Variants in PRKCQ observed in about 807,000 individuals in gnomAD.
The protein encoded by PRKCQ is protein kinase C theta type.
A neutral mutation model predicts 91.2 loss-of-function variants in PRKCQ; 41 were observed. That is an observed-to-expected ratio of 0.45 (90% CI 0.35 to 0.58). The LOEUF (loss-of-function observed/expected upper bound fraction) is 0.58. Ranked by LOEUF, PRKCQ falls within the 20% of genes least tolerant of loss-of-function variation. The probability of loss-of-function intolerance (pLI) is 0.00; values close to 1 mark genes in which losing one functional copy is unlikely to be tolerated. For missense variants in PRKCQ, 673 were observed against 896.5 expected (o/e 0.75, Z 3.18); for synonymous variants, 307 against 316.9 (o/e 0.97, Z 0.33).
At chr10:6,432,199 T>G (rs1833458410) in intron 16 of PRKCQ, among the ~76,000 whole-genome samples, 1 of 152,176 alleles carries the variant, frequency 6.6e-6, no homozygotes, top group African/African-American at 2.4e-5. Flanking sequence ...CCCAGGGACT[T>G]GACCTCCATT....
chr10:6,519,161 G>A (rs1838898714), intron 1 of PRKCQ, among the ~76,000 whole-genome samples: 2 of 152,166 alleles, frequency 1.3e-5, no homozygotes, highest in Admixed American at 1.3e-4. Flanking sequence ...TTTGGTGTTC[G>A]GAGCAGATAG....
intron 13 of PRKCQ, 118 bp from the exon 14 acceptor site, chr10:6,462,483 ACT>A: frequency 1.3e-6 from 1 of 796,882 alleles, no homozygotes; most frequent in Non-Finnish European, 2.1e-6. Flanking sequence ...TACACACATA[ACT>A]CTGTTTAATC....
chr10:6,448,621 A>G (rs1388712926), intron 15 of PRKCQ, among the ~76,000 whole-genome samples: 5 of 152,100 alleles, frequency 3.3e-5, no homozygotes, highest in South Asian at 2.1e-4. Flanking sequence ...GTTAGCCACT[A>G]TGGTCTTGAT....
At chr10:6,544,585 C>G (rs1839885432) in intron 1 of PRKCQ, among the ~76,000 whole-genome samples, 1 of 151,714 alleles carries the variant, frequency 6.6e-6, no homozygotes, top group Non-Finnish European at 1.5e-5. Context: ...ACTGTTTAAC[C>G]TCCTCTCTCG....
rs771488551 is a variant in PRKCQ, at chr10:6,497,705, C to T, written c.543-454G>A. Among the ~76,000 whole-genome samples the T allele has an allele frequency of 6.6e-6, 1 of 152,162 alleles. No individual in the cohort carries two copies. Among genetic ancestry groups the T allele is most frequent in the Non-Finnish European group, 1.5e-5 (1 of 68,032 alleles). ...TGCAGGACCGATTCCTGAGTGACAT[C>T]CATGATTAGAGAGAAAGGAGGTTCA... On this transcript the variant is annotated intron_variant, in intron 5 of 17. Coordinates refer to ENST00000263125, the MANE Select transcript of PRKCQ (RefSeq NM_006257.5). This position sits in a 1 kb window ranked among gnomAD's most constrained non-coding sequence, Gnocchi z 4.5.
intron 2 of PRKCQ, among the ~76,000 whole-genome samples, chr10:6,513,596 A>G (rs1474132599): frequency 1.3e-5 from 2 of 152,232 alleles, no homozygotes; most frequent in African/African-American, 4.8e-5. Flanking sequence ...GTGACATCTG[A>G]AAGGTTTTAG....
intron 1 of PRKCQ, among the ~76,000 whole-genome samples, chr10:6,534,994 A>G (rs1378653230): frequency 6.6e-6 from 1 of 152,158 alleles, no homozygotes; most frequent in Non-Finnish European, 1.5e-5. Context: ...TTCGGTTTGA[A>G]GTCCTAACAA....
chr10:6,545,791 T>C (rs1237601544), intron 1 of PRKCQ, among the ~76,000 whole-genome samples: 3 of 152,122 alleles, frequency 2.0e-5, no homozygotes, highest in African/African-American at 7.2e-5. Context: ...GGCAGGCAGA[T>C]CACAAGGTGA....
chr10:6,550,136 A>C (rs76051313), intron 1 of PRKCQ, among the ~76,000 whole-genome samples: 1,595 of 152,272 alleles, frequency 0.01, 26 homozygotes, highest in African/African-American at 0.037. Flanking sequence ...TACTTGAGAT[A>C]CTTCTCATAG....
intron 4 of PRKCQ, among the ~76,000 whole-genome samples, chr10:6,500,533 A>T (rs752324244): frequency 6.6e-6 from 1 of 151,840 alleles, no homozygotes; most frequent in Non-Finnish European, 1.5e-5. Flanking sequence ...TTAAAATATC[A>T]GGAATTTCTA....
At chr10:6,538,154 C>T (rs1045629167) in intron 1 of PRKCQ, among the ~76,000 whole-genome samples, 1 of 152,236 alleles carries the variant, frequency 6.6e-6, no homozygotes, top group South Asian at 2.1e-4. Flanking sequence ...TCTGTGGGCT[C>T]AGAAACAGGA....
intron 2 of PRKCQ, among the ~76,000 whole-genome samples, chr10:6,513,447 C>CAAAAA (rs58606251): frequency 4.7e-5 from 5 of 105,556 alleles, no homozygotes; most frequent in African/African-American, 1.2e-4. Context: ...AGGCCAAATG[C>CAAAAA]AAAAAAAAAA....
chr10:6,431,211 T>C (rs934725369), intron 16 of PRKCQ, among the ~76,000 whole-genome samples: 1 of 152,220 alleles, frequency 6.6e-6, no homozygotes, highest in Non-Finnish European at 1.5e-5. Context: ...CTTAGGCAAC[T>C]GACAAACCTG....
chr10:6,496,077 G>T (rs150761918), intron 7 of PRKCQ, among the ~76,000 whole-genome samples: 1 of 151,988 alleles, frequency 6.6e-6, no homozygotes, highest in East Asian at 1.9e-4. Context: ...TTAGCCAGGC[G>T]TGGTGGCATA....
At chr10:6,496,681 T>C (rs1035481278) in intron 7 of PRKCQ, among the ~76,000 whole-genome samples, 1 of 152,002 alleles carries the variant, frequency 6.6e-6, no homozygotes, top group African/African-American at 2.4e-5. Flanking sequence ...TTTTTTTTTT[T>C]CTTTTCTTTT....
chr10:6,562,336 CT>C (rs761633638), intron 1 of PRKCQ, among the ~76,000 whole-genome samples: 1 of 152,096 alleles, frequency 6.6e-6, no homozygotes, highest in Non-Finnish European at 1.5e-5. Flanking sequence ...GTTTTTCAGC[CT>C]TTTCCAAATC....
At chr10:6,555,402 C>T (rs909283615) in intron 1 of PRKCQ, among the ~76,000 whole-genome samples, 4 of 152,114 alleles carry the variant, frequency 2.6e-5, no homozygotes, top group Non-Finnish European at 4.4e-5. Flanking sequence ...CTAAATGATG[C>T]GTACACAAAC....
chr10:6,439,752 AT>A, intron 16 of PRKCQ, among the ~76,000 whole-genome samples: 1 of 152,216 alleles, frequency 6.6e-6, no homozygotes, highest in South Asian at 2.1e-4. Context: ...CATATAACAC[AT>A]GTGTTAATTG....
At chr10:6,452,962 T>C (rs905446768) in intron 15 of PRKCQ, among the ~76,000 whole-genome samples, 3 of 150,380 alleles carry the variant, frequency 2.0e-5, no homozygotes, top group Non-Finnish European at 3.0e-5. Flanking sequence ...CCTAAAACCA[T>C]AAAAACCCTA....
Sources: gnomAD v4.1 joint callset for allele counts (sites outside exome capture counted in the v4.1 genomes callset) on GRCh38, gnomAD v4.1.1 for gene constraint, Gnocchi (gnomAD v3.1) non-coding constraint, MANE v1.5 for transcripts, NCBI Gene and HGNC (gene_info 2026-07-23, HGNC 2026-07-21) for gene names.